The following MCTP1 variants were observed in gnomAD, a reference collection of about 807,000 sequenced individuals.
MCTP1 encodes the protein multiple C2 and transmembrane domain containing 1.
A neutral mutation model predicts 120.6 loss-of-function variants in MCTP1; 69 were observed. The ratio of observed to expected loss-of-function variants is 0.57; its 90% CI spans 0.47 to 0.70. The LOEUF (loss-of-function observed/expected upper bound fraction) is 0.70, where lower values mean the gene tolerates loss of function less well. MCTP1 is among the 30% of genes least tolerant of loss of function. MCTP1 has a pLI of 0.00. For synonymous variants in MCTP1, 529 were observed against 493.1 expected, an observed-to-expected ratio of 1.07 and a Z score of -0.96; for missense variants, 1,203 against 1,248.8, an observed-to-expected ratio of 0.96 and a Z score of 0.55.
intron 1 of MCTP1, among the ~76,000 whole-genome samples, chr5:95,223,502 T>C (rs2152620735): frequency 6.6e-6 from 1 of 152,222 alleles, no homozygotes; most frequent in South Asian, 2.1e-4. Flanking sequence ...AAAATCATCG[T>C]CACACCCCTC....
At chr5:94,809,106 T>C (rs115847993) in intron 17 of MCTP1, among the ~76,000 whole-genome samples, 2,690 of 152,114 alleles carry the variant, frequency 0.018, 90 homozygotes, top group African/African-American at 0.063. Context: ...TAGTGAAGAA[T>C]CTCCACAACA....
chr5:95,127,198 T>C (rs1390370657), intron 1 of MCTP1, among the ~76,000 whole-genome samples: 2 of 152,182 alleles, frequency 1.3e-5, no homozygotes, highest in African/African-American at 4.8e-5. Flanking sequence ...GAAACCAGCA[T>C]TAGATCTAAA....
chr5:95,041,180 T>C (rs1178821145), intron 1 of MCTP1, among the ~76,000 whole-genome samples: 2 of 151,654 alleles, frequency 1.3e-5, no homozygotes, highest in Non-Finnish European at 1.5e-5. Context: ...ACCTAAGAAA[T>C]AATTATGCTT....
In MCTP1 at chr5:95,241,030, C is replaced by T. The variant is rs72779496; in HGVS notation, c.720+42826G>A. On this transcript the variant is annotated intron_variant, in intron 1 of 22. Coordinates refer to ENST00000515393, the MANE Select transcript of MCTP1 (RefSeq NM_024717.7). Reference sequence around the variant, plus strand: ...TTTACCATCTTTTATTCTAAACCAACCAGAGATTCTAATTTTGGGGGGTAC... The same window carrying T: ...TTTACCATCTTTTATTCTAAACCAATCAGAGATTCTAATTTTGGGGGGTAC... Among the ~76,000 whole-genome samples the T allele has an allele frequency of 3.2e-3, 492 of 152,050 alleles. 2 individuals carry two copies. The highest frequency in any genetic ancestry group is 6.1e-3 in the Non-Finnish European group (416 of 67,990).
chr5:94,953,495 A>T (rs1196754037), intron 2 of MCTP1, 134 bp from the exon 3 acceptor site: 1 of 569,442 alleles, frequency 1.8e-6, no homozygotes, highest in Non-Finnish European at 2.8e-6. Context: ...AATAAGAGTT[A>T]AGTGTTTTCT....
chr5:94,769,378 A>AATTTCAAAT (rs1420459253), intron 19 of MCTP1, among the ~76,000 whole-genome samples: 4 of 152,226 alleles, frequency 2.6e-5, no homozygotes, highest in Non-Finnish European at 5.9e-5. Context: ...GAAATATTCA[A>AATTTCAAAT]CACTCAAAGA....
At chr5:95,268,097 C>A (rs1759053564) in intron 1 of MCTP1, among the ~76,000 whole-genome samples, 1 of 152,250 alleles carries the variant, frequency 6.6e-6, no homozygotes, top group Admixed American at 6.5e-5. Context: ...TCCTACAATT[C>A]TCTGTACTCC....
At chr5:95,210,317 T>A (rs532088433) in intron 1 of MCTP1, among the ~76,000 whole-genome samples, 92 of 151,708 alleles carry the variant, frequency 6.1e-4, no homozygotes, top group African/African-American at 2.1e-3. Context: ...CTAAGTCTCT[T>A]TGTAGGTCAC....
At chr5:95,132,248 C>T (rs922426739) in intron 1 of MCTP1, among the ~76,000 whole-genome samples, 7 of 152,172 alleles carry the variant, frequency 4.6e-5, no homozygotes, top group Non-Finnish European at 8.8e-5. Flanking sequence ...AGGAATTTGG[C>T]TAATCACATT....
intron 1 of MCTP1, among the ~76,000 whole-genome samples, chr5:95,158,570 T>A (rs753929883): frequency 2.0e-5 from 3 of 152,160 alleles, no homozygotes; most frequent in Non-Finnish European, 4.4e-5. Context: ...CCCAACATTT[T>A]CCAAAAGGAA....
chr5:94,869,157 A>T (rs1797373952), intron 16 of MCTP1, among the ~76,000 whole-genome samples: 1 of 152,040 alleles, frequency 6.6e-6, no homozygotes, highest in South Asian at 2.1e-4. Flanking sequence ...TTAAGGCATG[A>T]CTACAACTGT....
At chr5:95,171,668 C>G (rs1747309347) in intron 1 of MCTP1, among the ~76,000 whole-genome samples, 1 of 152,114 alleles carries the variant, frequency 6.6e-6, no homozygotes, top group African/African-American at 2.4e-5. Flanking sequence ...TTTGATCTTC[C>G]ATCGCTGGTA....
At chr5:95,132,885 G>A (rs1759154208) in intron 1 of MCTP1, among the ~76,000 whole-genome samples, 1 of 152,088 alleles carries the variant, frequency 6.6e-6, no homozygotes, top group Non-Finnish European at 1.5e-5. Context: ...TGGATGTTTT[G>A]ATCACCATAG....
intron 1 of MCTP1, among the ~76,000 whole-genome samples, chr5:95,260,475 C>T (rs763569417): frequency 1.3e-5 from 2 of 152,148 alleles, no homozygotes; most frequent in African/African-American, 2.4e-5. Context: ...GCAAAAGCAT[C>T]GTGAGACCTC....
At chr5:94,729,393 G>T (rs1762706212) in intron 19 of MCTP1, among the ~76,000 whole-genome samples, 1 of 152,154 alleles carries the variant, frequency 6.6e-6, no homozygotes, top group Non-Finnish European at 1.5e-5. Context: ...TCTGTCTGGT[G>T]GAGAACTGAA....
At chr5:94,756,550 T>C (rs1769936381) in intron 19 of MCTP1, among the ~76,000 whole-genome samples, 1 of 152,164 alleles carries the variant, frequency 6.6e-6, no homozygotes, top group South Asian at 2.1e-4. Flanking sequence ...TAAGAATGAA[T>C]TATACACATA....
At chr5:95,212,801 A>C (rs898613462) in intron 1 of MCTP1, among the ~76,000 whole-genome samples, 3 of 152,038 alleles carry the variant, frequency 2.0e-5, no homozygotes, top group South Asian at 2.1e-4. Context: ...AGGCCTTTGA[A>C]AAAATTCAAC....
In MCTP1 at chr5:95,284,127, C is replaced by T; in HGVS notation, c.449G>A (p.Gly150Glu). ...GGAAGGAGCTGAGTCGGGGGAGCGT[C>T]CGCCAGGAGGCGTCCCTCCCGCTGC... ...SGAAGGTPPG[G>E]RSPDSAPSSS... The change falls in exon 1 of 23, where the codon GGA (glycine) becomes GAA (glutamate). Residue 150 changes from glycine to glutamate, a missense_variant. Gly to Glu is a moderately conservative substitution (Grantham distance 98). Transcript: ENST00000515393. This position sits in a 1 kb window ranked among gnomAD's most constrained non-coding sequence, Gnocchi z 5.2. The T allele has an allele frequency of 6.4e-7, 1 of 1,551,398 alleles. No individual in the cohort carries two copies. The highest frequency in any genetic ancestry group is 2.4e-5 in the East Asian group (1 of 41,084).
intron 1 of MCTP1, among the ~76,000 whole-genome samples, chr5:95,100,301 T>G (rs1448518562): frequency 6.6e-6 from 1 of 152,132 alleles, no homozygotes; most frequent in Non-Finnish European, 1.5e-5. Context: ...AAAAAATATT[T>G]GCTTCATGAT....
Sources: gnomAD v4.1 joint callset for allele counts (sites outside exome capture counted in the v4.1 genomes callset) on GRCh38, gnomAD v4.1.1 for gene constraint, Gnocchi (gnomAD v3.1) non-coding constraint, MANE v1.5 for transcripts, NCBI Gene and HGNC (gene_info 2026-07-23, HGNC 2026-07-21) for gene names.